Variants in RPS6KC1 observed in about 807,000 individuals in gnomAD.
RPS6KC1 encodes ribosomal protein S6 kinase C1, also known as inactive ribosomal protein S6 kinase delta-1.
RPS6KC1 carries 54 observed loss-of-function variants against 103.8 expected under a neutral mutation model. The ratio of observed to expected loss-of-function variants is 0.52; its 90% CI spans 0.42 to 0.65. The LOEUF (loss-of-function observed/expected upper bound fraction) is 0.65. Among genes scored for constraint, RPS6KC1 ranks in the 30% least tolerant of loss-of-function variants. RPS6KC1 has a pLI of 0.00. For synonymous variants in RPS6KC1, 439 were observed against 438.7 expected (o/e 1.00, Z -0.01); for missense variants, 1,151 against 1,253.8 (o/e 0.92, Z 1.24).
chr1:213,363,608 TGCTTGCTTGCTTGCTTG>T, the RPS6KC1 span, among the ~76,000 whole-genome samples: 8 of 67,706 alleles, frequency 1.2e-4, no homozygotes, highest in African/African-American at 5.9e-4. Flanking sequence ...CTCGCTCGCT[TGCTTGCTTGCTTGCTTG>T]CTTTCTTTCT....
At chr1:213,843,060 G>C in the RPS6KC1 span, among the ~76,000 whole-genome samples, 1 of 152,198 alleles carries the variant, frequency 6.6e-6, no homozygotes, top group Non-Finnish European at 1.5e-5. Context: ...TTGCAGTCTT[G>C]AGTCTGAAAT....
chr1:213,439,366 A>C, the RPS6KC1 span, among the ~76,000 whole-genome samples: 1 of 150,270 alleles, frequency 6.7e-6, no homozygotes, highest in African/African-American at 2.5e-5. Context: ...TGATGCAAGC[A>C]ACTCATCCAT....
At chr1:213,285,351 G>GT in the RPS6KC1 span, among the ~76,000 whole-genome samples, 2 of 151,688 alleles carry the variant, frequency 1.3e-5, no homozygotes, top group African/African-American at 4.8e-5. Flanking sequence ...ATACTGGGGG[G>GT]TAGGATTTAA....
chr1:213,766,215 C>T, the RPS6KC1 span, among the ~76,000 whole-genome samples: 1 of 152,132 alleles, frequency 6.6e-6, no homozygotes. Flanking sequence ...GCTTGTTTAA[C>T]GTTTTATTGT....
intron 1 of RPS6KC1, among the ~76,000 whole-genome samples, chr1:213,068,873 A>ATGTGTG (rs60259563): frequency 0.061 from 7,737 of 127,198 alleles, 499 homozygotes; most frequent in East Asian, 0.22. Context: ...AAGTGTATAT[A>ATGTGTG]TGTGTGTGTG....
At chr1:213,768,156 A>G in the RPS6KC1 span, among the ~76,000 whole-genome samples, 1 of 152,122 alleles carries the variant, frequency 6.6e-6, no homozygotes, top group African/African-American at 2.4e-5. Flanking sequence ...TTTCCCTTTC[A>G]TGTGGCAAAT....
At chr1:213,571,694 G>T in the RPS6KC1 span, among the ~76,000 whole-genome samples, 1 of 152,126 alleles carries the variant, frequency 6.6e-6, no homozygotes, top group East Asian at 1.9e-4. Flanking sequence ...GATGCATCTG[G>T]GCGTCACACC....
At chr1:213,747,877 A>G in the RPS6KC1 span, among the ~76,000 whole-genome samples, 1 of 152,232 alleles carries the variant, frequency 6.6e-6, no homozygotes, top group Non-Finnish European at 1.5e-5. Context: ...TTAACTACTA[A>G]GTGCCTACAA....
chr1:213,440,169 C>T, the RPS6KC1 span, among the ~76,000 whole-genome samples: 1 of 152,258 alleles, frequency 6.6e-6, no homozygotes, highest in African/African-American at 2.4e-5. Flanking sequence ...TGAAGTCAAA[C>T]GCTTTCCATC....
chr1:213,560,574 A>G, the RPS6KC1 span, among the ~76,000 whole-genome samples: 1 of 152,212 alleles, frequency 6.6e-6, no homozygotes, highest in East Asian at 1.9e-4. Flanking sequence ...CCCAGAGCCT[A>G]CATATGAGAA....
the RPS6KC1 span, among the ~76,000 whole-genome samples, chr1:213,770,531 A>G: frequency 6.6e-6 from 1 of 152,238 alleles, no homozygotes; most frequent in Non-Finnish European, 1.5e-5. Context: ...CCTGTTGAGT[A>G]CTTGAGAGTC....
At chr1:213,325,031 TA>T in the RPS6KC1 span, among the ~76,000 whole-genome samples, 1 of 152,284 alleles carries the variant, frequency 6.6e-6, no homozygotes. Flanking sequence ...CTGCACCCAG[TA>T]AACATTGCTG....
chr1:213,486,459 C>T, the RPS6KC1 span, among the ~76,000 whole-genome samples: 2 of 152,020 alleles, frequency 1.3e-5, no homozygotes, highest in Non-Finnish European at 2.9e-5. Flanking sequence ...TTAAAGTACA[C>T]ACATAGGACT....
At chr1:213,305,742 C>T in the RPS6KC1 span, among the ~76,000 whole-genome samples, 125 of 152,304 alleles carry the variant, frequency 8.2e-4, no homozygotes, top group Middle Eastern at 0.01. Flanking sequence ...TTACTATAAA[C>T]TTCCCAGTAA....
the RPS6KC1 span, among the ~76,000 whole-genome samples, chr1:213,806,230 G>A: frequency 6.6e-6 from 1 of 152,196 alleles, no homozygotes; most frequent in Non-Finnish European, 1.5e-5. Flanking sequence ...TACTTGGGAG[G>A]CTGAGGCAGG....
At chr1:213,229,490 T>A (rs1403787012) in intron 8 of RPS6KC1, among the ~76,000 whole-genome samples, 1 of 152,218 alleles carries the variant, frequency 6.6e-6, no homozygotes, top group African/African-American at 2.4e-5. Flanking sequence ...CTGTGGCTGC[T>A]TTTGTTCTAT....
At chr1:213,162,693 C>G (rs2090596268) in intron 6 of RPS6KC1, among the ~76,000 whole-genome samples, 2 of 152,188 alleles carry the variant, frequency 1.3e-5, no homozygotes, top group South Asian at 4.1e-4. Flanking sequence ...TCTAAGAACA[C>G]TGTCTCTGTA....
chr1:213,689,436 T>A, the RPS6KC1 span, among the ~76,000 whole-genome samples: 1 of 152,334 alleles, frequency 6.6e-6, no homozygotes, highest in East Asian at 1.9e-4. Flanking sequence ...ACCTTTTGTT[T>A]AGCATATGAT....
the RPS6KC1 span, among the ~76,000 whole-genome samples, chr1:213,701,633 A>C: frequency 2.0e-5 from 3 of 152,008 alleles, no homozygotes; most frequent in Non-Finnish European, 4.4e-5. Context: ...TTCATGGTTC[A>C]ATCTTGACAG....
Sources: gnomAD v4.1 joint callset for allele counts (sites outside exome capture counted in the v4.1 genomes callset) on GRCh38, gnomAD v4.1.1 for gene constraint, MANE v1.5 for transcripts, NCBI Gene and HGNC (gene_info 2026-07-23, HGNC 2026-07-21) for gene names.